Variants in ANK3 observed in about 807,000 individuals in gnomAD.
ANK3 encodes the protein ankyrin 3.
A neutral mutation model predicts 370.9 loss-of-function variants in ANK3; 57 were observed. The observed-to-expected ratio is 0.15, with a 90% confidence interval of 0.12 to 0.19. ANK3 has a LOEUF of 0.19. ANK3 is among the 10% of genes least tolerant of loss of function. ANK3 has a pLI of 1.00. For missense variants in ANK3, 4,439 were observed against 5,302.1 expected (o/e 0.84, Z 5.06); for synonymous variants, 1,929 against 1,946.3 (o/e 0.99, Z 0.23).
intron 7 of ANK3, among the ~76,000 whole-genome samples, chr10:60,248,301 A>C (rs2097585946): frequency 6.6e-6 from 1 of 152,226 alleles, no homozygotes; most frequent in South Asian, 2.1e-4. Flanking sequence ...ACAATGTACA[A>C]GAGTTCCCAT....
intron 2 of ANK3, among the ~76,000 whole-genome samples, chr10:60,495,431 T>C (rs2075629055): frequency 1.3e-5 from 2 of 152,134 alleles, no homozygotes; most frequent in African/African-American, 2.4e-5. Flanking sequence ...GTAGACACAT[T>C]ACAGTTTGAG....
chr10:60,439,822 A>G (rs921921532), intron 2 of ANK3, among the ~76,000 whole-genome samples: 6 of 152,226 alleles, frequency 3.9e-5, no homozygotes, highest in Non-Finnish European at 8.8e-5. Flanking sequence ...AAGTTCTTGG[A>G]TCTCTGACAA....
chr10:60,098,594 A>G (rs2090599080), intron 28 of ANK3, among the ~76,000 whole-genome samples: 1 of 152,226 alleles, frequency 6.6e-6, no homozygotes, highest in South Asian at 2.1e-4. Context: ...TGTTATAGGG[A>G]AAAATCCTCA....
chr10:60,038,960 T>G (rs1040185443), intron 43 of ANK3, among the ~76,000 whole-genome samples: 1 of 152,242 alleles, frequency 6.6e-6, no homozygotes, highest in Non-Finnish European at 1.5e-5. Flanking sequence ...AATGTCATGA[T>G]TTCAGAGAGA....
At chr10:60,515,160 G>A (rs1274507206) in intron 2 of ANK3, among the ~76,000 whole-genome samples, 1 of 152,156 alleles carries the variant, frequency 6.6e-6, no homozygotes, top group African/African-American at 2.4e-5. Context: ...ATTTTGGGGT[G>A]ATGCAGGTAC....
upstream of ANK3, among the ~76,000 whole-genome samples, chr10:60,391,126 G>T (rs1407617487): frequency 6.6e-6 from 1 of 152,220 alleles, no homozygotes; most frequent in Non-Finnish European, 1.5e-5. Flanking sequence ...ATAAAAATGG[G>T]AAGGGAAAGA....
At chr10:60,728,661 G>A (rs1257786027) in intron 1 of ANK3, among the ~76,000 whole-genome samples, 2 of 152,158 alleles carry the variant, frequency 1.3e-5, no homozygotes, top group Non-Finnish European at 2.9e-5. Context: ...GTGAAGAAAT[G>A]GAAGCTCAGG....
chr10:60,095,288 C>A (rs1484269884), intron 28 of ANK3, among the ~76,000 whole-genome samples: 1 of 152,256 alleles, frequency 6.6e-6, no homozygotes, highest in Non-Finnish European at 1.5e-5. Context: ...CAATGAGACT[C>A]AGACACTTTT....
At chr10:60,157,884 AAAAGAGAGAG>A (rs1477921820) in intron 23 of ANK3, among the ~76,000 whole-genome samples, 16 of 88,314 alleles carry the variant, frequency 1.8e-4, no homozygotes, top group Admixed American at 9.9e-4. Flanking sequence ...GAGAGAGAGA[AAAAGAGAGAG>A]AGAGAGAGAG....
At chr10:60,459,929 C>T (rs1338610752) in intron 2 of ANK3, among the ~76,000 whole-genome samples, 1 of 152,138 alleles carries the variant, frequency 6.6e-6, no homozygotes, top group Non-Finnish European at 1.5e-5. Context: ...TATACCACAG[C>T]TCTGGTGGCA....
At chr10:60,169,773 C>T (rs532084332) in intron 21 of ANK3, among the ~76,000 whole-genome samples, 7 of 152,110 alleles carry the variant, frequency 4.6e-5, no homozygotes, top group Non-Finnish European at 8.8e-5. Context: ...TTACAGTTTG[C>T]ACTATACTTC....
At chr10:60,273,690 T>A (rs1002798996) in intron 4 of ANK3, among the ~76,000 whole-genome samples, 5 of 152,166 alleles carry the variant, frequency 3.3e-5, no homozygotes, top group African/African-American at 1.2e-4. Context: ...CTTGTAATAA[T>A]CCCCAGGTAT....
intron 7 of ANK3, among the ~76,000 whole-genome samples, chr10:60,256,191 CG>C (rs1331709386): frequency 6.6e-6 from 1 of 152,164 alleles, no homozygotes; most frequent in Admixed American, 6.5e-5. Flanking sequence ...TGGGGACTTA[CG>C]GGAGAAATTG....
intron 2 of ANK3, among the ~76,000 whole-genome samples, chr10:60,573,859 T>C (rs74659950): frequency 0.082 from 12,519 of 152,118 alleles, 720 homozygotes; most frequent in South Asian, 0.2. Flanking sequence ...GAGAGAGGGT[T>C]CAGGTCCATT....
intron 7 of ANK3, among the ~76,000 whole-genome samples, chr10:60,250,523 C>T (rs1001588756): frequency 1.3e-5 from 2 of 152,124 alleles, no homozygotes; most frequent in African/African-American, 4.8e-5. Flanking sequence ...TGCCACCACG[C>T]CCAGCTAATT....
rs190931470 is a variant in ANK3 at position 60,496,405 on chromosome 10, C to G, written c.96+118781G>C. ...TATGTGTTGAGCAATTAGGTTGCTT[C>G]CAAACAACTGAAGATAAGCTCAAAA... On this transcript the variant is annotated intron_variant, in intron 2 of 43. Transcript: ENST00000373827. Among the ~76,000 whole-genome samples the G allele has an allele frequency of 7.2e-5, 11 of 152,278 alleles. No homozygotes were observed. The East Asian group carries it at 1.9e-3, about 27-fold the overall frequency.
chr10:60,546,702 C>T (rs1439002842), intron 2 of ANK3, among the ~76,000 whole-genome samples: 3 of 151,930 alleles, frequency 2.0e-5, no homozygotes, highest in Non-Finnish European at 4.4e-5. Flanking sequence ...AGAGGTGGAA[C>T]GTACACACAG....
rs565823948 is a variant in ANK3, at chr10:60,069,293, G to C, written c.11588C>G (p.Ser3863Cys). The change falls in exon 37 of 44, where the codon TCC becomes TGC. Residue 3863 changes from serine to cysteine, a missense_variant. By Grantham distance (112) the Ser-to-Cys change is moderately radical. Transcript: ENST00000280772. ...TKELIGIRQK[S>C]KLPIKATSPK... ...TGAAGTGGCCTTTATGGGAAGTTTG[G>C]ATTTTTGCCTAATCCCTATCAATTC... 2 of 1,614,128 alleles carry C rather than the reference G, an allele frequency of 1.2e-6. No individual in the cohort carries two copies. The highest frequency in any genetic ancestry group is 2.2e-5 in the South Asian group (2 of 91,072).
At chr10:60,718,741 G>A (rs2079823103) in intron 1 of ANK3, among the ~76,000 whole-genome samples, 1 of 151,892 alleles carries the variant, frequency 6.6e-6, no homozygotes, top group Admixed American at 6.6e-5. Flanking sequence ...TTTTTTTATG[G>A]CCACCCCATT....
Sources: allele counts gnomAD v4.1 joint callset (sites outside exome capture counted in the v4.1 genomes callset), GRCh38; gene constraint gnomAD v4.1.1; transcripts MANE v1.5; gene names NCBI Gene and HGNC (gene_info 2026-07-23, HGNC 2026-07-21).